The following EDAR variants were observed in gnomAD, a reference collection of about 807,000 sequenced individuals.
The protein encoded by EDAR is tumor necrosis factor receptor superfamily member EDAR.
Under a neutral mutation model 51.3 loss-of-function variants are expected in EDAR, and 38 were observed. The observed-to-expected ratio is 0.74, with a 90% CI of 0.57 to 0.97. The LOEUF is 0.97. EDAR is among the 50% of genes least tolerant of loss of function. The pLI, the probability that EDAR is intolerant of heterozygous loss-of-function variation, is 0.00. For synonymous variants in EDAR, 227 were observed against 242.1 expected (o/e 0.94, Z 0.58); for missense variants, 528 against 595.0 (o/e 0.89, Z 1.17).
rs1156879530 is a variant in EDAR at position 108,911,041 on chromosome 2, G to C, written c.561C>G (p.Ala187=). The part of the protein sequence containing the change: ...ELSGQGHLAT[A]LIIAMSTIFI... ...AGATGGTGGACATTGCAATGATCAG[G>C]GCAGTGGCCAGGTGTCCTTGGCCTG... The change falls in exon 7 of 12, where the codon GCC becomes GCG. Residue 187 remains alanine, a synonymous_variant. Coordinates refer to ENST00000258443, the MANE Select transcript of EDAR (RefSeq NM_022336.4). The C allele has an allele frequency of 6.2e-7, 1 of 1,614,040 alleles. No individual in the cohort carries two copies. Among genetic ancestry groups the C allele is most frequent in the East Asian group, 2.2e-5 (1 of 44,892 alleles).
intron 1 of EDAR, among the ~76,000 whole-genome samples, chr2:108,970,715 G>T (rs768054285): frequency 6.6e-6 from 1 of 152,174 alleles, no homozygotes; most frequent in Non-Finnish European, 1.5e-5. Flanking sequence ...AAGAATAAAA[G>T]CTAAGATGAT....
intron 6 of EDAR, among the ~76,000 whole-genome samples, chr2:108,912,199 G>A (rs902122419): frequency 5.3e-5 from 8 of 152,302 alleles, no homozygotes; most frequent in African/African-American, 1.4e-4. Context: ...GCCAGCTGGA[G>A]GGCTGACTCT....
At chr2:108,952,077 G>A (rs769244300) in intron 1 of EDAR, among the ~76,000 whole-genome samples, 57 of 152,116 alleles carry the variant, frequency 3.7e-4, no homozygotes, top group Non-Finnish European at 6.6e-4. Flanking sequence ...TTTGTTTGAC[G>A]GAAGGTCAAA....
At chr2:108,986,452 G>C (rs950829921) in intron 1 of EDAR, among the ~76,000 whole-genome samples, 7 of 151,970 alleles carry the variant, frequency 4.6e-5, no homozygotes, top group African/African-American at 1.7e-4. Flanking sequence ...ATCTCCTTGT[G>C]GGGGCAAATG....
At chr2:108,947,660 G>C (rs1438947500) in intron 1 of EDAR, among the ~76,000 whole-genome samples, 1 of 152,228 alleles carries the variant, frequency 6.6e-6, no homozygotes, top group Non-Finnish European at 1.5e-5. Flanking sequence ...GGCCTGAGCT[G>C]TACCTTGGCC....
intron 1 of EDAR, among the ~76,000 whole-genome samples, chr2:108,984,660 C>G (rs1424540497): frequency 6.6e-6 from 1 of 152,036 alleles, no homozygotes; most frequent in East Asian, 1.9e-4. Flanking sequence ...CCCTGGGCAC[C>G]TTCTTTCTAC....
intron 7 of EDAR, 30 bp downstream of exon 7, chr2:108,910,917 A>C (rs260630): frequency 6.2e-7 from 1 of 1,613,836 alleles, no homozygotes; most frequent in Non-Finnish European, 8.5e-7. Flanking sequence ...GAGTCCAGGA[A>C]GCAGGGCACC....
chr2:108,928,513 A>C (rs1278479708), intron 4 of EDAR, among the ~76,000 whole-genome samples: 1 of 152,162 alleles, frequency 6.6e-6, no homozygotes, highest in Non-Finnish European at 1.5e-5. Flanking sequence ...TACCAGCTGT[A>C]CCAGGGACAC....
chr2:108,900,619 C>G (rs780146763), intron 11 of EDAR, among the ~76,000 whole-genome samples: 11 of 151,162 alleles, frequency 7.3e-5, no homozygotes, highest in Non-Finnish European at 1.6e-4. Flanking sequence ...AAAGGTAGAG[C>G]TTGGTAGAGT....
At chr2:108,981,389 G>A (rs1247341104) in intron 1 of EDAR, among the ~76,000 whole-genome samples, 1 of 152,210 alleles carries the variant, frequency 6.6e-6, no homozygotes, top group African/African-American at 2.4e-5. Context: ...TGAGGTTGAA[G>A]TTGTCTGGCG....
chr2:108,983,560 C>T (rs891989001), intron 1 of EDAR, among the ~76,000 whole-genome samples: 2 of 152,190 alleles, frequency 1.3e-5, no homozygotes, highest in African/African-American at 2.4e-5. Flanking sequence ...AACAATCCCG[C>T]CCTTCCAGCT....
chr2:108,918,811 G>A (rs560604671), intron 5 of EDAR, among the ~76,000 whole-genome samples: 1 of 152,300 alleles, frequency 6.6e-6, no homozygotes, highest in South Asian at 2.1e-4. Context: ...TGCATTAGAG[G>A]CTGGCTGGGA....
Position 108,897,243 on chromosome 2 carries a change from T to A in EDAR, c.1025-14A>T, listed in dbSNP as rs762253872. 3.1e-6 allele frequency: 5 copies of A among 1,610,040 alleles called. No homozygotes were observed. Among genetic ancestry groups the A allele is most frequent in the Non-Finnish European group, 1.7e-6 (2 of 1,176,840 alleles). Reference sequence around the variant, plus strand: ...TGGGGCTAAGACCTACAGACACCAATGGCCACAGTTAGATGTTGCAAGTCA... The same window carrying A: ...TGGGGCTAAGACCTACAGACACCAAAGGCCACAGTTAGATGTTGCAAGTCA... On this transcript the variant is annotated splice_polypyrimidine_tract_variant and intron_variant, in intron 11 of 11. Coordinates refer to ENST00000258443, the MANE Select transcript of EDAR (RefSeq NM_022336.4).
intron 1 of EDAR, among the ~76,000 whole-genome samples, chr2:108,985,476 G>A (rs1574418772): frequency 1.3e-5 from 2 of 152,208 alleles, no homozygotes; most frequent in Admixed American, 6.5e-5. Context: ...GGCTCCTTAC[G>A]GCCCACCTGT....
chr2:108,906,687 C>T (rs183474995), intron 10 of EDAR, among the ~76,000 whole-genome samples: 5 of 152,372 alleles, frequency 3.3e-5, no homozygotes, highest in African/African-American at 1.2e-4. Flanking sequence ...GCCCTCAGGA[C>T]ATCTGTGCTG....
chr2:108,986,073 G>A (rs1698492152), intron 1 of EDAR, among the ~76,000 whole-genome samples: 1 of 152,108 alleles, frequency 6.6e-6, no homozygotes, highest in East Asian at 1.9e-4. Context: ...ACACTCTAAG[G>A]GCAATGATGA....
At chr2:108,967,335 A>AT (rs775811636) in intron 1 of EDAR, among the ~76,000 whole-genome samples, 7 of 152,066 alleles carry the variant, frequency 4.6e-5, no homozygotes, top group Non-Finnish European at 1.0e-4. Flanking sequence ...AAAGGCTAGA[A>AT]TTTTTTTTAC....
intron 1 of EDAR, among the ~76,000 whole-genome samples, chr2:108,973,868 C>G (rs148052955): frequency 1.3e-5 from 2 of 152,306 alleles, no homozygotes; most frequent in East Asian, 3.9e-4. Context: ...TCTTGGGATT[C>G]AAGATGAGGA....
Position 108,948,866 on chromosome 2 carries a change from C to T in EDAR, c.-18-17834G>A, listed in dbSNP as rs114131032. On this transcript the variant is annotated intron_variant, in intron 1 of 11. Coordinates refer to ENST00000258443, the MANE Select transcript of EDAR (RefSeq NM_022336.4). ...GGCATGGTGGCTCATGCGTATAATC[C>T]CAGCACTTTGGGATGCCGAGGCAGG... 9.5e-3 allele frequency among the ~76,000 whole-genome samples: 1,447 copies of T among 152,150 alleles called. 20 individuals carry two copies. Among genetic ancestry groups the T allele is most frequent in the Middle Eastern group, 0.024 (7 of 292 alleles).
Sources: allele counts gnomAD v4.1 joint callset (sites outside exome capture counted in the v4.1 genomes callset), GRCh38; gene constraint gnomAD v4.1.1; transcripts MANE v1.5; gene names NCBI Gene and HGNC (gene_info 2026-07-23, HGNC 2026-07-21).